LRMDA: variants seen among roughly 807,000 people sequenced by gnomAD.
LRMDA encodes leucine-rich melanocyte differentiation-associated protein.
Under a neutral mutation model 29.8 loss-of-function variants are expected in LRMDA, and 18 were observed. The observed-to-expected ratio is 0.60, with a 90% confidence interval of 0.42 to 0.90. The LOEUF is 0.90. LRMDA is among the 40% of genes least tolerant of loss of function. The probability of loss-of-function intolerance (pLI) is 0.00; values close to 1 mark genes in which losing one functional copy is unlikely to be tolerated. For missense variants in LRMDA, 273 were observed against 273.9 expected (o/e 1.00, Z 0.02); for synonymous variants, 125 against 109.4 (o/e 1.14, Z -0.89).
intron 2 of LRMDA, among the ~76,000 whole-genome samples, chr10:75,831,693 C>T (rs1223530285): frequency 6.6e-6 from 1 of 152,206 alleles, no homozygotes; most frequent in Non-Finnish European, 1.5e-5. Context: ...TCTCCATGAG[C>T]TCCCCACCCC....
rs564945196 is a variant in LRMDA at position 75,580,649 on chromosome 10, T to C, written c.131+142155T>C. 6.6e-5 allele frequency among the ~76,000 whole-genome samples: 10 copies of C among 152,230 alleles called. No homozygotes were observed. The South Asian group carries it at 8.3e-4, about 13-fold the overall frequency. ...CAAAAGAACAAAGCTGGAGGCATCA[T>C]GCCACCTGACTTCAAACTATACTAC... On this transcript the variant is annotated intron_variant, in intron 2 of 6. Coordinates refer to ENST00000611255, the MANE Select transcript of LRMDA (RefSeq NM_001305581.2).
chr10:76,340,946 T>G (rs564824940), intron 6 of LRMDA, among the ~76,000 whole-genome samples: 1 of 152,238 alleles, frequency 6.6e-6, no homozygotes, highest in East Asian at 1.9e-4. Context: ...CCTAATAACA[T>G]AACAGAACTA....
chr10:75,478,870 A>G (rs1212498307), intron 2 of LRMDA, among the ~76,000 whole-genome samples: 1 of 152,120 alleles, frequency 6.6e-6, no homozygotes, highest in African/African-American at 2.4e-5. Flanking sequence ...CTTCAGTCTG[A>G]TCTTTGCACT....
chr10:76,383,630 C>T (rs888894276), intron 6 of LRMDA, among the ~76,000 whole-genome samples: 1 of 149,848 alleles, frequency 6.7e-6, no homozygotes, highest in Non-Finnish European at 1.5e-5. Context: ...CGGGGTTTCA[C>T]CTTGTTAGCC....
intron 2 of LRMDA, among the ~76,000 whole-genome samples, chr10:75,650,285 C>G (rs930804792): frequency 6.6e-6 from 1 of 152,106 alleles, no homozygotes; most frequent in Non-Finnish European, 1.5e-5. Flanking sequence ...CCATTTTGAG[C>G]TAATTTTTGT....
At chr10:75,847,508 A>T (rs1394222322) in intron 2 of LRMDA, among the ~76,000 whole-genome samples, 1 of 152,172 alleles carries the variant, frequency 6.6e-6, no homozygotes, top group African/African-American at 2.4e-5. Flanking sequence ...AGACAAATGG[A>T]ACTACATCCA....
At chr10:75,610,718 A>G (rs1389090599) in intron 2 of LRMDA, among the ~76,000 whole-genome samples, 1 of 152,116 alleles carries the variant, frequency 6.6e-6, no homozygotes, top group Non-Finnish European at 1.5e-5. Context: ...ATGTCTTTAT[A>G]ATAGGCAATA....
At chr10:75,649,806 G>C (rs1471481289) in intron 2 of LRMDA, among the ~76,000 whole-genome samples, 3 of 152,164 alleles carry the variant, frequency 2.0e-5, no homozygotes, top group Non-Finnish European at 4.4e-5. Flanking sequence ...TGTGTGTGAT[G>C]ATGGCCATCT....
At chr10:75,532,056 G>GAAAAAAAAAAAAAAAAAAAA (rs60697116) in intron 2 of LRMDA, among the ~76,000 whole-genome samples, 1 of 95,386 alleles carries the variant, frequency 1.0e-5, no homozygotes, top group African/African-American at 4.0e-5. Context: ...AAGAAAGAAA[G>GAAAAAAAAAAAAAAAAAAAA]AAAAAAAAAA....
intron 6 of LRMDA, among the ~76,000 whole-genome samples, chr10:76,504,112 T>C (rs917842083): frequency 1.3e-5 from 2 of 151,984 alleles, no homozygotes; most frequent in African/African-American, 4.8e-5. Context: ...GAGCAAGTTG[T>C]TTAATTTCTC....
At position 75,846,143 on chromosome 10, in the gene LRMDA, C is replaced by T. The variant is rs568016279; in HGVS notation, c.132-189865C>T. 1.3e-3 allele frequency among the ~76,000 whole-genome samples: 195 copies of T among 150,642 alleles called. 1 individual carries two copies. Among genetic ancestry groups the T allele is most frequent in the African/African-American group, 4.3e-3 (178 of 40,932 alleles). The stretch of plus-strand genomic sequence containing the variant: ...GTAATGCATTTACTTCTTGCAGAAA[C>T]GCTGTTGCTTTTGTTACTTATTTGT... On this transcript the variant is annotated intron_variant, in intron 2 of 6. Coordinates refer to ENST00000611255, the MANE Select transcript of LRMDA (RefSeq NM_001305581.2).
At chr10:75,844,251 T>C (rs1454449000) in intron 2 of LRMDA, among the ~76,000 whole-genome samples, 1 of 152,228 alleles carries the variant, frequency 6.6e-6, no homozygotes, top group Non-Finnish European at 1.5e-5. Flanking sequence ...CTATGGTATG[T>C]GGTTTCGTGT....
At chr10:75,467,307 C>A (rs1844664075) in intron 2 of LRMDA, among the ~76,000 whole-genome samples, 1 of 152,146 alleles carries the variant, frequency 6.6e-6, no homozygotes, top group Admixed American at 6.5e-5. Flanking sequence ...GCTTGGCTTG[C>A]CCTGGTGAGT....
chr10:75,733,434 G>C (rs530118829), intron 2 of LRMDA, among the ~76,000 whole-genome samples: 1 of 152,218 alleles, frequency 6.6e-6, no homozygotes, highest in African/African-American at 2.4e-5. Flanking sequence ...TTATCTGTCT[G>C]CAAAAGGTAA....
chr10:76,100,213 G>T (rs1032186899), intron 5 of LRMDA, among the ~76,000 whole-genome samples: 1 of 152,110 alleles, frequency 6.6e-6, no homozygotes, highest in African/African-American at 2.4e-5. Context: ...GCAGAACTTT[G>T]CTCCTTAGTT....
At chr10:75,859,127 G>A (rs1844875876) in intron 2 of LRMDA, among the ~76,000 whole-genome samples, 1 of 152,196 alleles carries the variant, frequency 6.6e-6, no homozygotes, top group Non-Finnish European at 1.5e-5. Flanking sequence ...TTTCTAATGG[G>A]CATTTTGGGT....
At chr10:75,897,938 C>T (rs1374212529) in intron 2 of LRMDA, among the ~76,000 whole-genome samples, 4 of 151,694 alleles carry the variant, frequency 2.6e-5, no homozygotes, top group Non-Finnish European at 5.9e-5. Context: ...TTCTCTGCCC[C>T]AGTCTCCTGA....
At chr10:75,736,488 G>A (rs555775532) in intron 2 of LRMDA, among the ~76,000 whole-genome samples, 6 of 152,228 alleles carry the variant, frequency 3.9e-5, no homozygotes, top group South Asian at 2.1e-4. Context: ...CTCATTGCTC[G>A]GTACAGAGGC....
intron 6 of LRMDA, chr10:76,438,858 G>C (rs1842271883): frequency 6.6e-6 from 1 of 152,190 alleles, no homozygotes; most frequent in Non-Finnish European, 1.5e-5. Context: ...GCTTTTGGAT[G>C]ATTCAAACAT....
Sources: gnomAD v4.1 joint callset for allele counts (sites outside exome capture counted in the v4.1 genomes callset) on GRCh38, gnomAD v4.1.1 for gene constraint, MANE v1.5 for transcripts, NCBI Gene and HGNC (gene_info 2026-07-23, HGNC 2026-07-21) for gene names.